The following CNTN5 variants were observed in gnomAD, a reference collection of about 807,000 sequenced individuals.
The protein encoded by CNTN5 is contactin 5.
In CNTN5, 77 loss-of-function variants were observed where a neutral mutation model predicts 129.1. The observed-to-expected ratio is 0.60, with a 90% CI of 0.50 to 0.72. CNTN5 has a LOEUF of 0.72. CNTN5 is among the 30% of genes least tolerant of loss of function. The probability of loss-of-function intolerance (pLI) is 0.00; values close to 1 mark genes in which losing one functional copy is unlikely to be tolerated. For synonymous variants in CNTN5, 509 were observed against 465.6 expected, an observed-to-expected ratio of 1.09 and a Z score of -1.20; for missense variants, 1,478 against 1,328.8, an observed-to-expected ratio of 1.11 and a Z score of -1.75.
At chr11:99,406,920 C>T (rs1942097923) in intron 2 of CNTN5, among the ~76,000 whole-genome samples, 1 of 151,878 alleles carries the variant, frequency 6.6e-6, no homozygotes, top group Non-Finnish European at 1.5e-5. Context: ...TGAGGTCTGT[C>T]TAGCCTGGGA....
At chr11:99,278,349 T>TA (rs1248427109) in intron 1 of CNTN5, among the ~76,000 whole-genome samples, 3 of 151,754 alleles carry the variant, frequency 2.0e-5, no homozygotes, top group African/African-American at 7.2e-5. Context: ...AATATCACTC[T>TA]AAAATCATTG....
intron 2 of CNTN5, among the ~76,000 whole-genome samples, chr11:99,326,913 T>G (rs1865808735): frequency 6.6e-6 from 1 of 152,166 alleles, no homozygotes; most frequent in Admixed American, 6.6e-5. Context: ...ATAAGAATGA[T>G]TTAAGAATAG....
Position 99,506,170 on chromosome 11 carries a change from T to C in CNTN5, c.-70-49975T>C, listed in dbSNP as rs565052867. ...GATCCATGAATCTGAATGGTACGGC[T>C]TGTCCTCATGCTCATCATTTCTTGG... On this transcript the variant is annotated intron_variant, in intron 2 of 24. Transcript: ENST00000524871. 4.6e-5 allele frequency among the ~76,000 whole-genome samples: 7 copies of C among 152,356 alleles called. No homozygotes were observed. In the East Asian group the frequency reaches 1.3e-3, roughly 29 times the overall value.
intron 9 of CNTN5, among the ~76,000 whole-genome samples, chr11:100,022,726 TCAA>T (rs1347485688): frequency 9.9e-5 from 15 of 152,216 alleles, no homozygotes; most frequent in African/African-American, 2.7e-4. Flanking sequence ...ATGAATTATT[TCAA>T]CTTTTGTATG....
At chr11:99,714,220 A>G (rs564338382) in intron 3 of CNTN5, among the ~76,000 whole-genome samples, 1 of 152,060 alleles carries the variant, frequency 6.6e-6, no homozygotes, top group Non-Finnish European at 1.5e-5. Flanking sequence ...TGGTATCAGT[A>G]GCTCTGTAGT....
chr11:99,457,622 CAT>C (rs1186135969), intron 2 of CNTN5, among the ~76,000 whole-genome samples: 1 of 151,644 alleles, frequency 6.6e-6, no homozygotes, highest in African/African-American at 2.4e-5. Flanking sequence ...TGTAAAATTA[CAT>C]GTTTCCTTGA....
At chr11:100,321,165 A>T (rs1456784046) in intron 21 of CNTN5, among the ~76,000 whole-genome samples, 1 of 151,764 alleles carries the variant, frequency 6.6e-6, no homozygotes, top group Non-Finnish European at 1.5e-5. Flanking sequence ...TTTAACATTA[A>T]TTTTTCCAGT....
chr11:99,926,677 A>G (rs1217839712), intron 7 of CNTN5, among the ~76,000 whole-genome samples: 2 of 152,154 alleles, frequency 1.3e-5, no homozygotes, highest in African/African-American at 4.8e-5. Context: ...ACAAACACAA[A>G]AAGTAATTGT....
At chr11:99,949,122 C>G (rs1181647333) in intron 7 of CNTN5, among the ~76,000 whole-genome samples, 1 of 152,170 alleles carries the variant, frequency 6.6e-6, no homozygotes, top group Non-Finnish European at 1.5e-5. Flanking sequence ...CATCTTACCT[C>G]GCTTCTCTTA....
At chr11:99,783,945 A>G (rs1472430695) in intron 3 of CNTN5, among the ~76,000 whole-genome samples, 2 of 151,850 alleles carry the variant, frequency 1.3e-5, no homozygotes, top group Admixed American at 1.3e-4. Context: ...CAATGTGCAC[A>G]TGTACCCTAA....
At chr11:99,545,607 C>A (rs761889768) in intron 2 of CNTN5, among the ~76,000 whole-genome samples, 1 of 152,196 alleles carries the variant, frequency 6.6e-6, no homozygotes, top group Non-Finnish European at 1.5e-5. Flanking sequence ...CAAAATCTTT[C>A]AGGTTTCCTC....
chr11:100,019,420 C>T (rs1480393744), intron 9 of CNTN5, among the ~76,000 whole-genome samples: 2 of 151,842 alleles, frequency 1.3e-5, no homozygotes, highest in Non-Finnish European at 2.9e-5. Flanking sequence ...TTTTAAATTC[C>T]ACATATAAAT....
At chr11:99,587,386 A>G (rs1411186483) in intron 3 of CNTN5, among the ~76,000 whole-genome samples, 3 of 152,242 alleles carry the variant, frequency 2.0e-5, no homozygotes, top group Non-Finnish European at 4.4e-5. Context: ...TTAAAGACAC[A>G]GTGTCTCCCA....
chr11:99,407,586 C>T (rs978316498), intron 2 of CNTN5, among the ~76,000 whole-genome samples: 5 of 152,184 alleles, frequency 3.3e-5, no homozygotes, highest in East Asian at 1.9e-4. Flanking sequence ...TCATGTCCCT[C>T]TATCCCCCAA....
At chr11:100,021,447 C>A (rs1034849056) in intron 9 of CNTN5, among the ~76,000 whole-genome samples, 1 of 152,008 alleles carries the variant, frequency 6.6e-6, no homozygotes, top group Non-Finnish European at 1.5e-5. Context: ...CTGTCTGATT[C>A]TCCTTGCATT....
rs189367860 is a variant in CNTN5, at chr11:99,897,222, C to T, written c.578-18832C>T. ...GAGAGAAAAAGAAAAAGTAAACAAC[C>T]TGGAAAACATTTGAGAGGATAAATA... On this transcript the variant is annotated intron_variant, in intron 6 of 24. Transcript: ENST00000524871. Among the ~76,000 whole-genome samples the T allele has an allele frequency of 2.1e-3, 312 of 152,078 alleles. 2 individuals carry two copies. The highest frequency in any genetic ancestry group is 7.2e-3 in the African/African-American group (299 of 41,486).
intron 3 of CNTN5, among the ~76,000 whole-genome samples, chr11:99,649,121 T>C (rs12801052): frequency 0.054 from 8,259 of 151,836 alleles, 290 homozygotes; most frequent in East Asian, 0.1. Context: ...CTAATTACTA[T>C]ACATTTTATG....
chr11:99,977,597 G>C (rs924916441), intron 8 of CNTN5, among the ~76,000 whole-genome samples: 5 of 152,132 alleles, frequency 3.3e-5, no homozygotes, highest in African/African-American at 1.2e-4. Flanking sequence ...ATGGTGGCAG[G>C]GGAGAGAGAG....
rs535747343 is a variant in CNTN5 at position 99,599,792 on chromosome 11, C to T, written c.55+43523C>T. ...ATGGTGTATTATTTGATTTATTAGG[C>T]ACAGACACTTTGTCAGAAGTTTAAA... On this transcript the variant is annotated intron_variant, in intron 3 of 24. Transcript: ENST00000524871. 7.9e-5 allele frequency among the ~76,000 whole-genome samples: 12 copies of T among 152,070 alleles called. No homozygotes were observed. The South Asian group carries it at 1.2e-3, about 16-fold the overall frequency.
Sources: gnomAD v4.1 joint callset for allele counts (sites outside exome capture counted in the v4.1 genomes callset) on GRCh38, gnomAD v4.1.1 for gene constraint, MANE v1.5 for transcripts, NCBI Gene and HGNC (gene_info 2026-07-23, HGNC 2026-07-21) for gene names.